MTPAP: variants seen among roughly 807,000 people sequenced by gnomAD.
MTPAP encodes mitochondrial poly(A) polymerase.
MTPAP carries 23 observed loss-of-function variants against 48.7 expected under a neutral mutation model. The observed-to-expected ratio is 0.47, with a 90% CI of 0.34 to 0.67. The LOEUF (loss-of-function observed/expected upper bound fraction) is 0.67. MTPAP is among the 30% of genes least tolerant of loss of function. The pLI, the probability that MTPAP is intolerant of heterozygous loss-of-function variation, is 0.01. For missense variants in MTPAP, 614 were observed against 694.3 expected, an observed-to-expected ratio of 0.88 and a Z score of 1.30; for synonymous variants, 257 against 254.1, an observed-to-expected ratio of 1.01 and a Z score of -0.11.
chr10:30,314,015 G>A (rs1278389234), intron 8 of MTPAP, 44 bp from the exon 9 acceptor site: 2 of 1,592,532 alleles, frequency 1.3e-6, no homozygotes, highest in African/African-American at 2.7e-5. Flanking sequence ...AGTACATGAA[G>A]GGCTTAAATA....
chr10:30,337,525 A>G (rs1834743872), intron 3 of MTPAP, among the ~76,000 whole-genome samples: 1 of 152,156 alleles, frequency 6.6e-6, no homozygotes, highest in South Asian at 2.1e-4. Flanking sequence ...ATATGAGGCA[A>G]GGAGTTTGAG....
chr10:30,315,771 C>T (rs1840654496), intron 8 of MTPAP, among the ~76,000 whole-genome samples, 192 bp downstream of exon 8: 1 of 152,144 alleles, frequency 6.6e-6, no homozygotes, highest in Admixed American at 6.5e-5. Context: ...CTGGCTTTTA[C>T]TATTTGGCAT....
At chr10:30,325,210 G>A (rs1056615956) in intron 5 of MTPAP, among the ~76,000 whole-genome samples, 4 of 152,032 alleles carry the variant, frequency 2.6e-5, no homozygotes, top group African/African-American at 9.7e-5. Flanking sequence ...AGAAAGTACA[G>A]TATTATATTT....
At position 30,313,477 on chromosome 10, in the gene MTPAP, C is replaced by G. The variant is rs1365721095; in HGVS notation, c.*132G>C. On this transcript the variant is annotated 3_prime_UTR_variant, in exon 9 of 9. Transcript: ENST00000263063. ...AGAACTTCAGACCAGGTTAAGGGGG[C>G]CAATGAGAAGATCATGAAAAGTGAC... The G allele has an allele frequency of 7.9e-6, 10 of 1,265,210 alleles. No homozygotes were observed. Among genetic ancestry groups the G allele is most frequent in the Non-Finnish European group, 1.1e-5 (10 of 880,086 alleles). 78.4% of individuals were successfully genotyped at this position (1,265,210 alleles called of 1,614,324 possible). A position where few individuals can be genotyped will look rare whatever the true frequency, so the allele number is the denominator to read the frequency against.
chr10:30,340,903 A>G (rs1191045100), intron 2 of MTPAP, among the ~76,000 whole-genome samples: 1 of 149,394 alleles, frequency 6.7e-6, no homozygotes, highest in Non-Finnish European at 1.5e-5. Context: ...TGGGCAACAG[A>G]GTGAGACTCC....
intron 6 of MTPAP, among the ~76,000 whole-genome samples, chr10:30,320,692 G>A (rs1457339558): frequency 6.6e-6 from 1 of 152,116 alleles, no homozygotes; most frequent in South Asian, 2.1e-4. Flanking sequence ...GAGATAAGGA[G>A]GAAAGACAAC....
At chr10:30,339,917 G>A in intron 3 of MTPAP, 1 of 374,414 alleles carries the variant, frequency 2.7e-6, no homozygotes, top group South Asian at 2.7e-5. Flanking sequence ...GAAAGAAAAA[G>A]ACATTAGGAA....
At position 30,340,435 on chromosome 10, in the gene MTPAP, C is replaced by T. The variant is rs560622337; in HGVS notation, c.346G>A (p.Val116Ile). Residue 116 changes from valine (V) to isoleucine (I), a missense_variant, in exon 3 of 9, where the codon GTA becomes ATA. Coordinates refer to ENST00000263063, the MANE Select transcript of MTPAP (RefSeq NM_018109.4). ...ATGCTTTCCTTTTGGCAAAATTCTA[C>T]GACAGCATAGAGACCCTATACCAAA... ...FYESFGLYAV[V>I]EFCQKESIGS... The T allele has an allele frequency of 9.1e-5, 147 of 1,613,764 alleles. No individual in the cohort carries two copies. Among genetic ancestry groups the T allele is most frequent in the Non-Finnish European group, 1.2e-4 (143 of 1,179,838 alleles).
At chr10:30,323,400 C>T (rs1265404593) in intron 5 of MTPAP, among the ~76,000 whole-genome samples, 1 of 129,658 alleles carries the variant, frequency 7.7e-6, no homozygotes, top group African/African-American at 2.9e-5. Flanking sequence ...TGCAGTCAGC[C>T]GAGAAAGCGT....
rs1840583546 is a variant in MTPAP, at chr10:30,310,815, C to T, written c.*2794G>A. Reference sequence around the variant, plus strand: ...TTGGGAGGCTGGGGCAGGAGTATCGCTTGAACCCAGGAGGCAGAGGTTGCA... The same window carrying T: ...TTGGGAGGCTGGGGCAGGAGTATCGTTTGAACCCAGGAGGCAGAGGTTGCA... On this transcript the variant is annotated 3_prime_UTR_variant, in exon 9 of 9. Coordinates refer to ENST00000263063, the MANE Select transcript of MTPAP (RefSeq NM_018109.4). 6.6e-6 allele frequency: 1 copy of T among 151,590 alleles called. No individual in the cohort carries two copies. The highest frequency in any genetic ancestry group is 1.9e-4 in the East Asian group (1 of 5,150). The allele number at this position is 151,590 out of a possible 1,614,324, so 9.4% of individuals were successfully genotyped here.
intron 5 of MTPAP, among the ~76,000 whole-genome samples, chr10:30,326,060 C>A (rs1834592113): frequency 6.6e-6 from 1 of 152,048 alleles, no homozygotes; most frequent in Admixed American, 6.6e-5. Context: ...TATAAATAGG[C>A]ATCTTTCTTT....
intron 4 of MTPAP, among the ~76,000 whole-genome samples, chr10:30,327,391 C>T (rs548052412): frequency 7.8e-4 from 118 of 150,438 alleles, no homozygotes; most frequent in Non-Finnish European, 6.3e-4. Flanking sequence ...CCCAGCTACC[C>T]GGGAGGCTGA....
At position 30,313,453 on chromosome 10, in the gene MTPAP, G is replaced by A. The variant is rs1189523465; in HGVS notation, c.*156C>T. 1 of 1,034,644 alleles carries A rather than the reference G, an allele frequency of 9.7e-7. No homozygotes were observed. The highest frequency in any genetic ancestry group is 1.6e-5 in the African/African-American group (1 of 62,942). 64.1% of individuals were successfully genotyped at this position (1,034,644 alleles called of 1,614,324 possible). A position where few individuals can be genotyped will look rare whatever the true frequency, so the allele number is the denominator to read the frequency against. ...GACTGATCAAACTGAAAACATCCCA[G>A]AACTTCAGACCAGGTTAAGGGGGCC... On this transcript the variant is annotated 3_prime_UTR_variant, in exon 9 of 9. Coordinates refer to ENST00000263063, the MANE Select transcript of MTPAP (RefSeq NM_018109.4).
intron 5 of MTPAP, among the ~76,000 whole-genome samples, chr10:30,323,039 G>C (rs981084631): frequency 3.6e-5 from 5 of 138,986 alleles, no homozygotes; most frequent in African/African-American, 1.3e-4. Flanking sequence ...TGAGGCATGA[G>C]AATTGCTTGA....
rs1840588783 is a variant in MTPAP, at chr10:30,311,159, T to G, written c.*2450A>C. ...TTAGAAACCCTTAAGTGGTTTATGC[T>G]TTTTAAGCTTTTTAAATCAATATGG... is the stretch of plus-strand genomic sequence containing the variant. On this transcript the variant is annotated 3_prime_UTR_variant, in exon 9 of 9. Transcript: ENST00000263063. 1 of 152,226 alleles carries G rather than the reference T, an allele frequency of 6.6e-6. No homozygotes were observed. Among genetic ancestry groups the G allele is most frequent in the Non-Finnish European group, 1.5e-5 (1 of 68,050 alleles). 9.4% of individuals were successfully genotyped at this position (152,226 alleles called of 1,614,324 possible).
intron 1 of MTPAP, among the ~76,000 whole-genome samples, chr10:30,342,543 CAAAA>C (rs59507352): frequency 2.3e-4 from 32 of 136,574 alleles, no homozygotes; most frequent in South Asian, 1.3e-3. Flanking sequence ...CGGAGTTCCA[CAAAA>C]AAAAAAAAAA....
Position 30,313,817 on chromosome 10 carries a change from G to A in MTPAP, c.1541C>T (p.Thr514Ile), listed in dbSNP as rs1272787689. 1.9e-6 allele frequency: 3 copies of A among 1,614,046 alleles called. No homozygotes were observed. Among genetic ancestry groups the A allele is most frequent in the African/African-American group, 2.7e-5 (2 of 74,912 alleles). The change falls in exon 9 of 9, where the codon ACA becomes ATA. Residue 514 changes from threonine (T) to isoleucine (I), a missense_variant. Coordinates refer to ENST00000263063, the MANE Select transcript of MTPAP (RefSeq NM_018109.4). ...ATTACTTGATATGGAAGGTCGATCTGTATCTTCCTGTTGTAAAATCCAGGC... is the reference window on the plus strand; with the variant it reads ...ATTACTTGATATGGAAGGTCGATCTATATCTTCCTGTTGTAAAATCCAGGC... The part of the protein sequence containing the change: ...ESAWILQQED[T>I]DRPSISSNRP...
intron 5 of MTPAP, among the ~76,000 whole-genome samples, chr10:30,325,480 C>T (rs1252770856): frequency 6.6e-6 from 1 of 152,220 alleles, no homozygotes; most frequent in Non-Finnish European, 1.5e-5. Context: ...GGGTCAGTGG[C>T]TCACGCCTGT....
intron 4 of MTPAP, among the ~76,000 whole-genome samples, chr10:30,330,627 T>C (rs1227397975): frequency 9.2e-5 from 14 of 152,224 alleles, no homozygotes; most frequent in Admixed American, 9.2e-4. Flanking sequence ...CTGTGAACCA[T>C]GAGCAGGAGT....
Sources: gnomAD v4.1 joint callset for allele counts (sites outside exome capture counted in the v4.1 genomes callset) on GRCh38, gnomAD v4.1.1 for gene constraint, MANE v1.5 for transcripts, NCBI Gene and HGNC (gene_info 2026-07-23, HGNC 2026-07-21) for gene names.